HSPB7: variants seen among roughly 807,000 people sequenced by gnomAD.
HSPB7 encodes the protein heat shock protein family B (small) member 7.
HSPB7 carries 9 observed loss-of-function variants against 11.0 expected under a neutral mutation model. That is an observed-to-expected ratio of 0.82 (90% CI 0.49 to 1.43). The LOEUF (loss-of-function observed/expected upper bound fraction) is 1.43, where lower values mean the gene tolerates loss of function less well. Ranked by LOEUF, HSPB7 falls within the 40% of genes most tolerant of loss-of-function variation. The pLI is 0.00. For missense variants in HSPB7, 246 were observed against 243.9 expected (o/e 1.01, Z -0.06); for synonymous variants, 102 against 101.6 (o/e 1.00, Z -0.02).
chr1:16,016,225 C>T (rs1188980218), intron 2 of HSPB7, among the ~76,000 whole-genome samples: 3 of 152,240 alleles, frequency 2.0e-5, no homozygotes, highest in African/African-American at 7.2e-5. Context: ...GGTGGCAGGG[C>T]TGGCACATGC....
At chr1:16,018,287 T>C, upstream of HSPB7, 1 of 1,337,012 alleles carries the variant, frequency 7.5e-7, no homozygotes, top group Non-Finnish European at 9.8e-7. Context: ...CTGGATCCTG[T>C]CTCCTTGCCA....
At chr1:16,018,449 G>A (rs138665862), upstream of HSPB7, 5 of 1,153,192 alleles carry the variant, frequency 4.3e-6, no homozygotes, top group African/African-American at 6.6e-5. Flanking sequence ...CAGTGTGCAG[G>A]CTCCTTGGGG....
chr1:16,017,528 T>C (rs1475875188), intron 1 of HSPB7: 2 of 592,508 alleles, frequency 3.4e-6, no homozygotes, highest in East Asian at 2.8e-5. Context: ...TTACAGAGCA[T>C]GGGTGGCCAT....
In HSPB7 at chr1:16,017,097, G is replaced by T. The variant is rs751184800; in HGVS notation, c.310C>A (p.His104Asn). The T allele has an allele frequency of 1.2e-6, 2 of 1,612,190 alleles. No individual in the cohort carries two copies. The highest frequency in any genetic ancestry group is 1.7e-5 in the Admixed American group (1 of 59,954). The stretch of plus-strand genomic sequence containing the variant: ...ACCTTCTCAGCCCGCACCTCGATGT[G>T]GTTGTTGGAGGTGGTGACAATGATG... ...EDIIVTTSNN[H>N]IEVRAEKLAA... Residue 104 changes from histidine (H) to asparagine (N), a missense_variant, in exon 2 of 3, where the codon CAC becomes AAC. By Grantham distance (68) the His-to-Asn change is moderately conservative. Transcript: ENST00000311890.
At position 16,017,158 on chromosome 1, in the gene HSPB7, C is replaced by T. The variant is rs372898200; in HGVS notation, c.249G>A (p.Glu83=). ...GNIKTLGDAY[E]FAVDVRDFSP... ...AGAAGTCTCTCACGTCCACCGCAAA[C>T]TCATAGGCGTCTCCTAGGGTCTTGA... The change falls in exon 2 of 3, where the codon GAG becomes GAA. Residue 83 remains glutamate (E), a synonymous_variant. Coordinates refer to ENST00000311890, the MANE Select transcript of HSPB7 (RefSeq NM_014424.5). 170 of 1,613,790 alleles carry T rather than the reference C, an allele frequency of 1.1e-4. No individual in the cohort carries two copies. Among genetic ancestry groups the T allele is most frequent in the Non-Finnish European group, 1.3e-4 (159 of 1,179,830 alleles).
chr1:16,018,255 G>A (rs1339465798), upstream of HSPB7: 6 of 1,421,188 alleles, frequency 4.2e-6, no homozygotes, highest in South Asian at 1.2e-5. Context: ...AGCCCCAGGG[G>A]CCTCCTCACC....
Position 16,017,966 on chromosome 1 carries a change from A to T in HSPB7, c.-3T>A. On this transcript the variant is annotated 5_prime_UTR_variant, in exon 1 of 3. Transcript: ENST00000311890. ...GTGGAAGAGGTTCTGTGGCTCATCC[A>T]CGGACGGCGCCGGGCCCTGCCCAGG... The T allele has an allele frequency of 6.2e-7, 1 of 1,613,046 alleles. No homozygotes were observed. The highest frequency in any genetic ancestry group is 8.5e-7 in the Non-Finnish European group (1 of 1,179,760).
upstream of HSPB7, chr1:16,018,233 G>C (rs542351629): frequency 2.9e-5 from 43 of 1,475,300 alleles, no homozygotes; most frequent in African/African-American, 5.3e-4. Context: ...GACATTCCAG[G>C]CTGATCACAG....
rs1221436685 is a variant in HSPB7, at chr1:16,018,030, C to T, written c.-67G>A. ...GACAGGAGAGGGTGTGGGCGCAGGCCTCTGGGCGAGCGTGCCAGGCTCCGA... is the reference window on the plus strand; with the variant it reads ...GACAGGAGAGGGTGTGGGCGCAGGCTTCTGGGCGAGCGTGCCAGGCTCCGA... On this transcript the variant is annotated 5_prime_UTR_variant, in exon 1 of 3. Coordinates refer to ENST00000311890, the MANE Select transcript of HSPB7 (RefSeq NM_014424.5). 2 of 1,610,494 alleles carry T rather than the reference C, an allele frequency of 1.2e-6. No homozygotes were observed. The highest frequency in any genetic ancestry group is 1.7e-6 in the Non-Finnish European group (2 of 1,178,762).
At chr1:16,018,205 G>A (rs1240677126), upstream of HSPB7, 1 of 1,497,160 alleles carries the variant, frequency 6.7e-7, no homozygotes, top group Non-Finnish European at 9.0e-7. Context: ...CAGGCCGAGA[G>A]GGCTGAGCTC....
At chr1:16,018,974 CG>C (rs2021959032), upstream of HSPB7, 1 of 996,544 alleles carries the variant, frequency 1.0e-6, no homozygotes, top group Non-Finnish European at 1.4e-6. Context: ...CTCGCAGTTG[CG>C]TAAGTGGCAG....
chr1:16,017,687 C>T (rs1022470787), intron 1 of HSPB7, 78 bp downstream of exon 1: 22 of 1,259,350 alleles, frequency 1.7e-5, no homozygotes, highest in Non-Finnish European at 2.4e-5. Flanking sequence ...CCGGCAGCCA[C>T]AGCGCCTTCG....
At chr1:16,016,356 G>A (rs757102710) in intron 2 of HSPB7, among the ~76,000 whole-genome samples, 46 of 152,182 alleles carry the variant, frequency 3.0e-4, no homozygotes, top group Non-Finnish European at 6.2e-4. Context: ...GCTTGGGTCA[G>A]GTCCTCTCCT....
chr1:16,015,386 G>T lies in HSPB7; in HGVS notation c.*194C>A, dbSNP rs2021626793. 3.5e-6 allele frequency: 2 copies of T among 575,354 alleles called. No individual in the cohort carries two copies. The highest frequency in any genetic ancestry group is 3.0e-5 in the East Asian group (1 of 33,086). The allele number at this position is 575,354 out of a possible 1,614,324, so 35.6% of individuals were successfully genotyped here. On this transcript the variant is annotated 3_prime_UTR_variant, in exon 3 of 3. Coordinates refer to ENST00000311890, the MANE Select transcript of HSPB7 (RefSeq NM_014424.5). This position sits in a 1 kb window ranked among gnomAD's most constrained non-coding sequence, Gnocchi z 4.9. ...CAAATCTGAAATCTGGGCATCATGT[G>T]TCAGGCCAGGGAGTCCCTGGCCTGC...
intron 2 of HSPB7, among the ~76,000 whole-genome samples, chr1:16,016,077 A>G (rs1423715838): frequency 2.0e-5 from 3 of 152,216 alleles, no homozygotes; most frequent in Non-Finnish European, 4.4e-5. Context: ...CGTGGAGGTG[A>G]CAGAGGAGAG....
chr1:16,014,665 T>G lies in HSPB7; in HGVS notation c.*915A>C, dbSNP rs1402535667. ...ACACCGAGCCTATAGATTCATAGAT[T>G]AAAGAGGGGGATGGATGGAGAGCTG... On this transcript the variant is annotated 3_prime_UTR_variant, in exon 3 of 3. Coordinates refer to ENST00000311890, the MANE Select transcript of HSPB7 (RefSeq NM_014424.5). The G allele has an allele frequency of 6.6e-6, 1 of 152,084 alleles. No individual in the cohort carries two copies. The highest frequency in any genetic ancestry group is 6.5e-5 in the Admixed American group (1 of 15,280). The allele number at this position is 152,084 out of a possible 1,614,324, so 9.4% of individuals were successfully genotyped here.
At chr1:16,018,760 C>T, upstream of HSPB7, 1 of 1,077,428 alleles carries the variant, frequency 9.3e-7, no homozygotes, top group Non-Finnish European at 1.1e-6. Flanking sequence ...CCTGCGAGCG[C>T]CTTAGGTGGG....
At position 16,015,770 on chromosome 1, in the gene HSPB7, G is replaced by C; in HGVS notation, c.334-11C>G. 1 of 1,567,698 alleles carries C rather than the reference G, an allele frequency of 6.4e-7. No individual in the cohort carries two copies. The highest frequency in any genetic ancestry group is 8.7e-7 in the Non-Finnish European group (1 of 1,154,772). ...GCCGTCAGCCGCCAGCTGGGGAAGG[G>C]GTGACCCGTCAGGCAGGCTGCCCCG... On this transcript the variant is annotated splice_polypyrimidine_tract_variant and intron_variant, in intron 2 of 2. Coordinates refer to ENST00000311890, the MANE Select transcript of HSPB7 (RefSeq NM_014424.5). The surrounding 1 kb of genome is among the most constrained non-coding windows in gnomAD (Gnocchi z 4.9).
At chr1:16,018,779 C>G (rs2021951548), upstream of HSPB7, 1 of 1,103,390 alleles carries the variant, frequency 9.1e-7, no homozygotes, top group South Asian at 3.3e-5. Flanking sequence ...GGATTTCAGT[C>G]AGAGGTAAAA....
Sources: allele counts gnomAD v4.1 joint callset (sites outside exome capture counted in the v4.1 genomes callset), GRCh38; gene constraint gnomAD v4.1.1; non-coding constraint Gnocchi (gnomAD v3.1); transcripts MANE v1.5; gene names NCBI Gene and HGNC (gene_info 2026-07-23, HGNC 2026-07-21).